Variants in ZNF891 observed in about 807,000 individuals in gnomAD.
The protein encoded by ZNF891 is zinc finger protein 891.
For synonymous variants in ZNF891, 199 were observed against 209.0 expected (o/e 0.95, Z 0.41); for missense variants, 589 against 632.7 (o/e 0.93, Z 0.74).
In ZNF891 at chr12:133,114,867, T is replaced by A. The variant is rs1198380883; in HGVS notation, c.*5417A>T. 1 of 152,214 alleles carries A rather than the reference T, an allele frequency of 6.6e-6. No individual in the cohort carries two copies. Among genetic ancestry groups the A allele is most frequent in the Non-Finnish European group, 1.5e-5 (1 of 68,046 alleles). The allele number at this position is 152,214 out of a possible 1,614,324, so 9.4% of individuals were successfully genotyped here. ...ACTGGAGAAAAAGGCCAGAAGAAGA[T>A]TAAACGTGAAATGTTATGTGATCAG... On this transcript the variant is annotated 3_prime_UTR_variant, in exon 2 of 2. Transcript: ENST00000537226.
rs554331681 is a variant in ZNF891 at position 133,108,331 on chromosome 12, A to G, written c.*11953T>C. ...GTTTTCTCAGGCAGGAATGGTTTGT[A>G]TCAGGGTAAAAATCAAGTTACCCTG... On this transcript the variant is annotated 3_prime_UTR_variant, in exon 2 of 2. Coordinates refer to ENST00000537226, the MANE Select transcript of ZNF891 (RefSeq NM_001277291.2). The G allele has an allele frequency of 9.9e-5, 15 of 152,000 alleles. No individual in the cohort carries two copies. The highest frequency in any genetic ancestry group is 3.1e-4 in the African/African-American group (13 of 41,474). 9.4% of individuals were successfully genotyped at this position (152,000 alleles called of 1,614,324 possible). A position where few individuals can be genotyped will look rare whatever the true frequency, so the allele number is the denominator to read the frequency against.
In ZNF891 at chr12:133,121,898, G is replaced by C. The variant is rs374156541; in HGVS notation, c.21C>G (p.Ser7=). MAVMDL[S]SPWALTKQDS... ...CCTGTTTAGTTAAAGCCCATGGGGAGGATAGGTCCATAACTGCCATTTTAT... is the reference window on the plus strand; with the variant it reads ...CCTGTTTAGTTAAAGCCCATGGGGACGATAGGTCCATAACTGCCATTTTAT... The change falls in exon 2 of 2, where the codon TCC becomes TCG. Residue 7 remains serine (S), a synonymous_variant. Coordinates refer to ENST00000537226, the MANE Select transcript of ZNF891 (RefSeq NM_001277291.2). 98 of 1,535,266 alleles carry C rather than the reference G, an allele frequency of 6.4e-5. No individual in the cohort carries two copies. In the African/African-American group the frequency reaches 1.1e-3, roughly 17 times the overall value.
rs748048702 is a variant in ZNF891, at chr12:133,106,346, TATGA to T, written c.*13934_*13937del. Reference sequence around the variant, plus strand: ...GAGAATTCATGCTGGAGAAAAGCTCTATGAATGTGATGAATGTGGTAAAGTTTTC... The same window carrying T: ...GAGAATTCATGCTGGAGAAAAGCTCTATGTGATGAATGTGGTAAAGTTTTC... On this transcript the variant is annotated 3_prime_UTR_variant, in exon 2 of 2. Transcript: ENST00000537226. 1 of 1,614,194 alleles carries T rather than the reference TATGA, an allele frequency of 6.2e-7. No homozygotes were observed. The highest frequency in any genetic ancestry group is 1.1e-5 in the South Asian group (1 of 91,082).
rs1955628897 is a variant in ZNF891 at position 133,107,156 on chromosome 12, A to C, written c.*13128T>G. The C allele has an allele frequency of 6.5e-6, 1 of 152,758 alleles. No individual in the cohort carries two copies. The highest frequency in any genetic ancestry group is 1.5e-5 in the Non-Finnish European group (1 of 68,462). The allele number at this position is 152,758 out of a possible 1,614,324, so 9.5% of individuals were successfully genotyped here. A position where few individuals can be genotyped will look rare whatever the true frequency, so the allele number is the denominator to read the frequency against. On this transcript the variant is annotated 3_prime_UTR_variant, in exon 2 of 2. Coordinates refer to ENST00000537226, the MANE Select transcript of ZNF891 (RefSeq NM_001277291.2). ...TTGGGAATGCCTTCATTTACAATGC[A>C]ATACTTACATTTTAATACTCTTGTA... is the stretch of plus-strand genomic sequence containing the variant.
rs1460228529 is a variant in ZNF891, at chr12:133,117,346, AT to A, written c.*2937del. 2 of 152,226 alleles carry A rather than the reference AT, an allele frequency of 1.3e-5. No individual in the cohort carries two copies. The highest frequency in any genetic ancestry group is 2.9e-5 in the Non-Finnish European group (2 of 68,042). The allele number at this position is 152,226 out of a possible 1,614,324, so 9.4% of individuals were successfully genotyped here. A position where few individuals can be genotyped will look rare whatever the true frequency, so the allele number is the denominator to read the frequency against. ...AAGATCTATTCATAAAGAATAAAAA[AT>A]ATATATATTTGGTTAGTAATTAGCA... On this transcript the variant is annotated 3_prime_UTR_variant, in exon 2 of 2. Transcript: ENST00000537226.
In ZNF891 at chr12:133,117,533, A is replaced by T. The variant is rs1159554349; in HGVS notation, c.*2751T>A. 1 of 152,220 alleles carries T rather than the reference A, an allele frequency of 6.6e-6. No homozygotes were observed. Among genetic ancestry groups the T allele is most frequent in the Non-Finnish European group, 1.5e-5 (1 of 68,038 alleles). 9.4% of individuals were successfully genotyped at this position (152,220 alleles called of 1,614,324 possible). ...AATGGTGGGAGTATCCCTCCGCCTC[A>T]TGGCAAACACCAATACTTTTGTTTG... On this transcript the variant is annotated 3_prime_UTR_variant, in exon 2 of 2. Coordinates refer to ENST00000537226, the MANE Select transcript of ZNF891 (RefSeq NM_001277291.2).
Position 133,105,999 on chromosome 12 carries a change from G to C in ZNF891, c.*14285C>G, listed in dbSNP as rs749048948. 1.2e-6 allele frequency: 2 copies of C among 1,614,048 alleles called. No homozygotes were observed. The highest frequency in any genetic ancestry group is 1.7e-6 in the Non-Finnish European group (2 of 1,180,024). On this transcript the variant is annotated 3_prime_UTR_variant, in exon 2 of 2. Transcript: ENST00000537226. ...ATTGAACACCAGAGAACGCACACTG[G>C]GGAGAAACCTTATGAATGTACTGAG... is the stretch of plus-strand genomic sequence containing the variant.
At position 133,120,459 on chromosome 12, in the gene ZNF891, G is replaced by A. The variant is rs1388293600; in HGVS notation, c.1460C>T (p.Pro487Leu). 6.2e-7 allele frequency: 1 copy of A among 1,604,980 alleles called. No homozygotes were observed. Among genetic ancestry groups the A allele is most frequent in the African/African-American group, 1.3e-5 (1 of 74,694 alleles). ...MHIRTHTGEK[P>L]YECKECRKAF... ...TTTCCTACATTCCTTACATTCATAG[G>A]GTTTCTCTCCAGTGTGAGTTCTTAT... The change falls in exon 2 of 2, where the codon CCC becomes CTC. Residue 487 changes from proline (P) to leucine (L), a missense_variant. Coordinates refer to ENST00000537226, the MANE Select transcript of ZNF891 (RefSeq NM_001277291.2).
Position 133,117,299 on chromosome 12 carries a change from A to T in ZNF891, c.*2985T>A, listed in dbSNP as rs1398696872. The T allele has an allele frequency of 2.0e-5, 3 of 152,266 alleles. No individual in the cohort carries two copies. Among genetic ancestry groups the T allele is most frequent in the Non-Finnish European group, 4.4e-5 (3 of 68,038 alleles). 9.4% of individuals were successfully genotyped at this position (152,266 alleles called of 1,614,324 possible). A position where few individuals can be genotyped will look rare whatever the true frequency, so the allele number is the denominator to read the frequency against. On this transcript the variant is annotated 3_prime_UTR_variant, in exon 2 of 2. Transcript: ENST00000537226. ...GATAAGTAGTTTTGTAGCTAAATACAATACTACTGTTAGCAAAACTGAAGA... is the reference window on the plus strand; with the variant it reads ...GATAAGTAGTTTTGTAGCTAAATACTATACTACTGTTAGCAAAACTGAAGA...
intron 1 of ZNF891, chr12:133,125,903 G>T (rs537386493): frequency 2.0e-6 from 1 of 496,336 alleles, no homozygotes; most frequent in South Asian, 1.5e-5. Context: ...TGTTTGACTG[G>T]CTCCTGGTTC....
Position 133,120,661 on chromosome 12 carries a change from T to C in ZNF891, c.1258A>G (p.Ile420Val). 6.4e-7 allele frequency: 1 copy of C among 1,558,012 alleles called. No individual in the cohort carries two copies. The highest frequency in any genetic ancestry group is 1.7e-4 in the Middle Eastern group (1 of 6,006). The change falls in exon 2 of 2, where the codon ATA becomes GTA. Residue 420 changes from isoleucine to valine, a missense_variant. Physicochemically the swap from Ile to Val is conservative, Grantham distance 29. Transcript: ENST00000537226. ...CCAGTGTGTATTCTCTTGTGCACTA[T>C]AAGGTAAGAGCTTGTGCCAAAGGAT... ...GKSFGTSSYL[I>V]VHKRIHTGEK...
rs1955769170 is a variant in ZNF891 at position 133,122,093 on chromosome 12, G to T, written c.-106-69C>A. ...AACAGGGCCCCACTTGGGGAAAGGT[G>T]AATACAAAATTGTAGACCCTCCCCA... On this transcript the variant is annotated intron_variant, in intron 1 of 1. Coordinates refer to ENST00000537226, the MANE Select transcript of ZNF891 (RefSeq NM_001277291.2). 1.8e-5 allele frequency: 25 copies of T among 1,387,768 alleles called. No homozygotes were observed. The South Asian group carries it at 4.4e-4, about 25-fold the overall frequency. 86.0% of individuals were successfully genotyped at this position (1,387,768 alleles called of 1,614,324 possible). A position where few individuals can be genotyped will look rare whatever the true frequency, so the allele number is the denominator to read the frequency against.
At position 133,108,488 on chromosome 12, in the gene ZNF891, TCA is replaced by T. The variant is rs1417643641; in HGVS notation, c.*11794_*11795del. 3 of 152,180 alleles carry T rather than the reference TCA, an allele frequency of 2.0e-5. No individual in the cohort carries two copies. Among genetic ancestry groups the T allele is most frequent in the Admixed American group, 6.5e-5 (1 of 15,270 alleles). 9.4% of individuals were successfully genotyped at this position (152,180 alleles called of 1,614,324 possible). On this transcript the variant is annotated 3_prime_UTR_variant, in exon 2 of 2. Coordinates refer to ENST00000537226, the MANE Select transcript of ZNF891 (RefSeq NM_001277291.2). The stretch of plus-strand genomic sequence containing the variant: ...GTGGGGATGCACCTCATGAACTATA[TCA>T]GAGGTCATCAAGCTACAGCCCATGG...
rs149137798 is a variant in ZNF891, at chr12:133,125,686, C to T, written c.-106-3662G>A. Reference sequence around the variant, plus strand: ...TTCAGAAGAGCACCCTCAGGAGAAACAAGATTGACCACCATGCTATCATCA... The same window carrying T: ...TTCAGAAGAGCACCCTCAGGAGAAATAAGATTGACCACCATGCTATCATCA... On this transcript the variant is annotated intron_variant, in intron 1 of 1. Coordinates refer to ENST00000537226, the MANE Select transcript of ZNF891 (RefSeq NM_001277291.2). 1.8e-4 allele frequency: 55 copies of T among 304,478 alleles called. No homozygotes were observed. In the East Asian group the frequency reaches 4.2e-3, roughly 23 times the overall value. 18.9% of individuals were successfully genotyped at this position (304,478 alleles called of 1,614,324 possible).
rs527967873 is a variant in ZNF891 at position 133,107,719 on chromosome 12, C to T, written c.*12565G>A. 5.6e-4 allele frequency: 85 copies of T among 152,228 alleles called. No homozygotes were observed. The highest frequency in any genetic ancestry group is 2.0e-3 in the African/African-American group (83 of 41,534). The allele number at this position is 152,228 out of a possible 1,614,324, so 9.4% of individuals were successfully genotyped here. ...GTTTTGTTCCATGTACGGTGAAAAC[C>T]GTTCTTTTGTAAGCAGGTATTTAAA... On this transcript the variant is annotated 3_prime_UTR_variant, in exon 2 of 2. Transcript: ENST00000537226.
At chr12:133,123,834 T>A (rs189153382) in intron 1 of ZNF891, among the ~76,000 whole-genome samples, 2 of 152,140 alleles carry the variant, frequency 1.3e-5, no homozygotes, top group African/African-American at 4.8e-5. Context: ...GTATTGCAGG[T>A]TTAACCCTTC....
rs1458484374 is a variant in ZNF891, at chr12:133,106,880, T to C, written c.*13404A>G. ...TTGCAATAACAAGGTGAAATCAATA[T>C]TGTTGAGAAGATTCTTCCATCTGGT... On this transcript the variant is annotated 3_prime_UTR_variant, in exon 2 of 2. Transcript: ENST00000537226. 2.7e-6 allele frequency: 1 copy of C among 371,448 alleles called. No homozygotes were observed. Among genetic ancestry groups the C allele is most frequent in the Non-Finnish European group, 4.8e-6 (1 of 207,042 alleles). 23.0% of individuals were successfully genotyped at this position (371,448 alleles called of 1,614,324 possible).
At chr12:133,129,587 G>A (rs1156885880) in intron 1 of ZNF891, among the ~76,000 whole-genome samples, 1 of 152,032 alleles carries the variant, frequency 6.6e-6, no homozygotes, top group African/African-American at 2.4e-5. Flanking sequence ...TTTTGGAGGC[G>A]GGCGGGGGGC....
rs1955736947 is a variant in ZNF891 at position 133,119,650 on chromosome 12, C to G, written c.*634G>C. ...AGATTTCTTTGAGGAACAGGGATCT[C>G]TTTCTTCTACTTCATCCCTTGGCTA... On this transcript the variant is annotated 3_prime_UTR_variant, in exon 2 of 2. Coordinates refer to ENST00000537226, the MANE Select transcript of ZNF891 (RefSeq NM_001277291.2). The G allele has an allele frequency of 6.6e-6, 1 of 152,314 alleles. No individual in the cohort carries two copies. The highest frequency in any genetic ancestry group is 2.4e-5 in the African/African-American group (1 of 41,470). The allele number at this position is 152,314 out of a possible 1,614,324, so 9.4% of individuals were successfully genotyped here.
Sources: allele counts gnomAD v4.1 joint callset (sites outside exome capture counted in the v4.1 genomes callset), GRCh38; gene constraint gnomAD v4.1.1; transcripts MANE v1.5; gene names NCBI Gene and HGNC (gene_info 2026-07-23, HGNC 2026-07-21).